The following KRAS variants were observed in gnomAD, a reference collection of about 807,000 sequenced individuals.
KRAS encodes the protein GTPase KRas.
A neutral mutation model predicts 21.0 loss-of-function variants in KRAS; 1 was observed. The ratio of observed to expected loss-of-function variants is 0.05; its 90% confidence interval spans 0.02 to 0.23. The LOEUF is 0.23. Ranked by LOEUF, KRAS falls within the 10% of genes least tolerant of loss-of-function variation. The pLI is 1.00. For synonymous variants in KRAS, 67 were observed against 72.5 expected, an observed-to-expected ratio of 0.92 and a Z score of 0.39; for missense variants, 107 against 221.8, an observed-to-expected ratio of 0.48 and a Z score of 3.29.
chr12:25,216,750 A>C (rs922210149), intron 4 of KRAS, among the ~76,000 whole-genome samples: 1 of 152,204 alleles, frequency 6.6e-6, no homozygotes, highest in Admixed American at 6.5e-5. Context: ...AATATTTTCC[A>C]ATCTAGAAAA....
intron 2 of KRAS, among the ~76,000 whole-genome samples, chr12:25,228,440 T>C (rs182015132): frequency 1.3e-5 from 2 of 152,192 alleles, no homozygotes; most frequent in Admixed American, 1.3e-4. Flanking sequence ...AACGGATGCT[T>C]CAACCTGTAT....
At chr12:25,247,888 T>C (rs994626182) in intron 1 of KRAS, among the ~76,000 whole-genome samples, 1 of 152,236 alleles carries the variant, frequency 6.6e-6, no homozygotes, top group African/African-American at 2.4e-5. Flanking sequence ...AAAATAGTTA[T>C]TTTTCATAAA....
At chr12:25,224,666 A>G (rs1345877020) in intron 4 of KRAS, among the ~76,000 whole-genome samples, 2 of 152,180 alleles carry the variant, frequency 1.3e-5, no homozygotes, top group Non-Finnish European at 2.9e-5. Context: ...TTAGACACAC[A>G]AAACTTACCA....
At chr12:25,237,576 G>A (rs1375454938) in intron 2 of KRAS, among the ~76,000 whole-genome samples, 1 of 152,106 alleles carries the variant, frequency 6.6e-6, no homozygotes, top group Non-Finnish European at 1.5e-5. Flanking sequence ...CCAGGCTAGA[G>A]ATAGACTTGG....
At chr12:25,224,045 T>C (rs1951359040) in intron 4 of KRAS, among the ~76,000 whole-genome samples, 1 of 152,102 alleles carries the variant, frequency 6.6e-6, no homozygotes, top group Admixed American at 6.6e-5. Flanking sequence ...AGTGATGTTA[T>C]AGCCATCCTA....
At chr12:25,250,223 G>A (rs1951746681) in intron 1 of KRAS, among the ~76,000 whole-genome samples, 1 of 152,122 alleles carries the variant, frequency 6.6e-6, no homozygotes, top group South Asian at 2.1e-4. Context: ...ACCACTATCC[G>A]TCCAGCCTGC....
At chr12:25,228,532 T>A (rs1352614076) in intron 2 of KRAS, among the ~76,000 whole-genome samples, 1 of 152,080 alleles carries the variant, frequency 6.6e-6, no homozygotes, top group Non-Finnish European at 1.5e-5. Context: ...TACCACATAA[T>A]TCCACTTATA....
intron 4 of KRAS, among the ~76,000 whole-genome samples, chr12:25,216,283 T>C (rs1412379113): frequency 6.6e-6 from 1 of 152,220 alleles, no homozygotes; most frequent in Admixed American, 6.5e-5. Context: ...GTTCTTTTTT[T>C]ATTTTTTTGT....
At chr12:25,234,354 C>T (rs1592814665) in intron 2 of KRAS, 1 of 180,428 alleles carries the variant, frequency 5.5e-6, no homozygotes, top group Non-Finnish European at 1.2e-5. Flanking sequence ...TCAAATGTTG[C>T]TAAATGTTAA....
chr12:25,226,708 T>A (rs1320586921), intron 3 of KRAS, among the ~76,000 whole-genome samples: 1 of 152,196 alleles, frequency 6.6e-6, no homozygotes, highest in African/African-American at 2.4e-5. Flanking sequence ...AATAGTATAA[T>A]AATGATTATT....
rs1459271664 is a variant in KRAS, at chr12:25,209,036, C to T, written c.*759G>A. ...ATTTAGTAGCATGTAAATATAGCCCCAAAATGGTTGCTATAATAATCCCCA... is the reference window on the plus strand; with the variant it reads ...ATTTAGTAGCATGTAAATATAGCCCTAAAATGGTTGCTATAATAATCCCCA... On this transcript the variant is annotated 3_prime_UTR_variant, in exon 5 of 5. Coordinates refer to ENST00000311936, the MANE Select transcript of KRAS (RefSeq NM_004985.5). 1 of 392,020 alleles carries T rather than the reference C, an allele frequency of 2.6e-6. No individual in the cohort carries two copies. Among genetic ancestry groups the T allele is most frequent in the African/African-American group, 2.1e-5 (1 of 48,402 alleles). The allele number at this position is 392,020 out of a possible 1,614,324, so 24.3% of individuals were successfully genotyped here.
chr12:25,238,134 T>C (rs927506334), intron 2 of KRAS, among the ~76,000 whole-genome samples: 1 of 152,192 alleles, frequency 6.6e-6, no homozygotes, highest in Admixed American at 6.5e-5. Context: ...TGCTGGATAC[T>C]TAAAATTATA....
chr12:25,228,822 A>G (rs1445414497), intron 2 of KRAS, among the ~76,000 whole-genome samples: 2 of 152,212 alleles, frequency 1.3e-5, no homozygotes, highest in African/African-American at 2.4e-5. Context: ...ACACTTTGGG[A>G]GGCCGAGGTG....
At chr12:25,225,531 T>C in intron 4 of KRAS, 83 bp downstream of exon 4, 4 of 1,353,050 alleles carry the variant, frequency 3.0e-6, no homozygotes, top group East Asian at 2.3e-5. Flanking sequence ...ATAGCATAAT[T>C]GAGAGAAAAA....
intron 2 of KRAS, among the ~76,000 whole-genome samples, chr12:25,238,874 T>C (rs1041080430): frequency 6.6e-5 from 10 of 152,246 alleles, no homozygotes; most frequent in African/African-American, 2.4e-4. Context: ...TTCTTATATA[T>C]ACATCTTAAA....
At chr12:25,243,764 A>C (rs186339129) in intron 2 of KRAS, among the ~76,000 whole-genome samples, 1 of 152,352 alleles carries the variant, frequency 6.6e-6, no homozygotes, top group East Asian at 1.9e-4. Context: ...GAGTCTGCCA[A>C]GTAACCCTGA....
chr12:25,232,182 T>C (rs1216447216), intron 2 of KRAS, among the ~76,000 whole-genome samples: 3 of 152,198 alleles, frequency 2.0e-5, no homozygotes, highest in Non-Finnish European at 4.4e-5. Flanking sequence ...TATGCATCAA[T>C]GTAGACTCTT....
chr12:25,214,387 C>CT (rs143313927), intron 4 of KRAS, among the ~76,000 whole-genome samples: 14 of 140,074 alleles, frequency 1.0e-4, no homozygotes, highest in Admixed American at 9.1e-4. Context: ...GCTAAAATGA[C>CT]TTTTTTTTTT....
At position 25,225,767 on chromosome 12, in the gene KRAS, T is replaced by C. The variant is rs2141506544; in HGVS notation, c.297A>G (p.Gln99=). 2 of 1,612,486 alleles carry C rather than the reference T, an allele frequency of 1.2e-6. No homozygotes were observed. The highest frequency in any genetic ancestry group is 1.7e-6 in the Non-Finnish European group (2 of 1,179,274). The change falls in exon 4 of 5, where the codon CAA becomes CAG. Residue 99 remains glutamine, a synonymous_variant. Coordinates refer to ENST00000311936, the MANE Select transcript of KRAS (RefSeq NM_004985.5). ...CTTCAGAGTCCTTAACTCTTTTAAT[T>C]TGTTCTCTGGGAAAGAAAAAAAAGT... ...SFEDIHHYRE[Q]IKRVKDSEDV...
Sources: gnomAD v4.1 joint callset for allele counts (sites outside exome capture counted in the v4.1 genomes callset) on GRCh38, gnomAD v4.1.1 for gene constraint, MANE v1.5 for transcripts, NCBI Gene and HGNC (gene_info 2026-07-23, HGNC 2026-07-21) for gene names.